Variants in ULK4 observed in about 807,000 individuals in gnomAD.
The protein encoded by ULK4 is unc-51 like kinase 4.
A neutral mutation model predicts 160.6 loss-of-function variants in ULK4; 133 were observed. That is an observed-to-expected ratio of 0.83 (90% CI 0.72 to 0.96). The LOEUF (loss-of-function observed/expected upper bound fraction) is 0.96, where lower values mean the gene tolerates loss of function less well. ULK4 is among the 40% of genes least tolerant of loss of function. The probability of loss-of-function intolerance (pLI) is 0.00; values close to 1 mark genes in which losing one functional copy is unlikely to be tolerated. For synonymous variants in ULK4, 534 were observed against 539.8 expected (o/e 0.99, Z 0.15); for missense variants, 1,580 against 1,499.5 (o/e 1.05, Z -0.89).
chr3:41,602,370 G>C (rs1259018574), intron 31 of ULK4, among the ~76,000 whole-genome samples: 3 of 149,346 alleles, frequency 2.0e-5, no homozygotes, highest in African/African-American at 7.4e-5. Flanking sequence ...AGGAGGAAGG[G>C]AAAAAGGAAG....
At chr3:41,946,809 G>A (rs554668605) in intron 2 of ULK4, among the ~76,000 whole-genome samples, 1 of 152,256 alleles carries the variant, frequency 6.6e-6, no homozygotes, top group Admixed American at 6.5e-5. Flanking sequence ...AGGAGAGGGT[G>A]GCATTTGTTC....
intron 32 of ULK4, among the ~76,000 whole-genome samples, chr3:41,538,213 A>G (rs2086576082): frequency 6.6e-6 from 1 of 152,162 alleles, no homozygotes; most frequent in Non-Finnish European, 1.5e-5. Flanking sequence ...ATCATATTAG[A>G]GTCTAGAGAT....
At chr3:41,383,531 G>A (rs184639103) in intron 35 of ULK4, among the ~76,000 whole-genome samples, 7 of 152,268 alleles carry the variant, frequency 4.6e-5, no homozygotes, top group Admixed American at 1.3e-4. Flanking sequence ...AGCATTCTGC[G>A]CAGCAAAAGC....
chr3:41,822,713 C>T (rs966383650), intron 18 of ULK4, among the ~76,000 whole-genome samples: 11 of 140,842 alleles, frequency 7.8e-5, no homozygotes, highest in African/African-American at 2.5e-4. Context: ...GCCACCATGC[C>T]GGGCTGAGAT....
intron 35 of ULK4, among the ~76,000 whole-genome samples, chr3:41,375,066 C>G (rs755518953): frequency 7.9e-5 from 12 of 152,066 alleles, no homozygotes; most frequent in Admixed American, 2.0e-4. Flanking sequence ...CCTAGGAATA[C>G]AATTTACAAG....
chr3:41,765,738 C>A (rs1340942421), intron 21 of ULK4, among the ~76,000 whole-genome samples: 1 of 152,068 alleles, frequency 6.6e-6, no homozygotes, highest in African/African-American at 2.4e-5. Context: ...AGGAAGCAAT[C>A]TTATAATACT....
chr3:41,873,488 A>G (rs1233103211), intron 17 of ULK4, among the ~76,000 whole-genome samples: 2 of 152,022 alleles, frequency 1.3e-5, no homozygotes, highest in Non-Finnish European at 2.9e-5. Context: ...GTTCATTCAC[A>G]TGTGTATTCC....
At chr3:41,479,833 T>C (rs765686338) in intron 32 of ULK4, among the ~76,000 whole-genome samples, 5 of 152,204 alleles carry the variant, frequency 3.3e-5, no homozygotes, top group Non-Finnish European at 7.3e-5. Context: ...ATATTCATTA[T>C]AGACAAATTC....
At chr3:41,639,493 C>T (rs1268400205) in intron 30 of ULK4, among the ~76,000 whole-genome samples, 8 of 152,166 alleles carry the variant, frequency 5.3e-5, no homozygotes, top group Middle Eastern at 3.4e-3. Context: ...TTTGGGAGGC[C>T]GAGTCAGGCA....
At chr3:41,602,160 C>T (rs984429661) in intron 31 of ULK4, among the ~76,000 whole-genome samples, 1 of 151,224 alleles carries the variant, frequency 6.6e-6, no homozygotes, top group African/African-American at 2.4e-5. Flanking sequence ...CATGCTGCAC[C>T]TAAAGCCTGG....
chr3:41,704,929 G>C, intron 27 of ULK4, 128 bp downstream of exon 27: 2 of 629,492 alleles, frequency 3.2e-6, no homozygotes, highest in Non-Finnish European at 5.2e-6. Context: ...GCCAGGGTAG[G>C]GGGGTTCTGA....
At chr3:41,725,687 C>G (rs2037624210) in intron 22 of ULK4, among the ~76,000 whole-genome samples, 1 of 152,142 alleles carries the variant, frequency 6.6e-6, no homozygotes, top group African/African-American at 2.4e-5. Flanking sequence ...GATACTGTCT[C>G]TCTTGTTGAT....
intron 31 of ULK4, among the ~76,000 whole-genome samples, chr3:41,579,208 T>G (rs1263449020): frequency 6.6e-6 from 1 of 152,144 alleles, no homozygotes; most frequent in Non-Finnish European, 1.5e-5. Flanking sequence ...AGCTTCAGCT[T>G]TAAGGGTTTA....
chr3:41,591,890 A>G (rs529099571), intron 31 of ULK4, among the ~76,000 whole-genome samples: 2 of 152,330 alleles, frequency 1.3e-5, no homozygotes, highest in Admixed American at 1.3e-4. Flanking sequence ...AAAAAATTAC[A>G]ATTGCTCCAT....
chr3:41,736,967 T>G (rs1180117793), intron 22 of ULK4, among the ~76,000 whole-genome samples: 1 of 151,910 alleles, frequency 6.6e-6, no homozygotes, highest in Admixed American at 6.5e-5. Flanking sequence ...CCCCATTGCT[T>G]GTGTTTGTCA....
intron 31 of ULK4, among the ~76,000 whole-genome samples, chr3:41,572,499 G>A (rs1313570137): frequency 1.3e-5 from 2 of 151,722 alleles, no homozygotes; most frequent in African/African-American, 2.4e-5. Context: ...TAACCCACAC[G>A]CCTGTAATCC....
At chr3:41,662,752 A>G (rs1158594588) in intron 30 of ULK4, among the ~76,000 whole-genome samples, 1 of 152,108 alleles carries the variant, frequency 6.6e-6, no homozygotes, top group African/African-American at 2.4e-5. Context: ...TTTGAAAGCA[A>G]AAAGAACCTC....
chr3:41,902,693 A>G lies in ULK4; in HGVS notation c.1183-1864T>C, dbSNP rs1575918321. 2.6e-5 allele frequency among the ~76,000 whole-genome samples: 4 copies of G among 152,092 alleles called. 1 individual carries two copies. The South Asian group carries it at 8.3e-4, about 32-fold the overall frequency. ...TTCAATTAAAGAAAAAAAAAGATGG[A>G]CTTTCATGGTAAAAAGACAGAGGTA... On this transcript the variant is annotated intron_variant, in intron 12 of 36. Transcript: ENST00000301831.
chr3:41,783,646 C>T (rs943291477), intron 21 of ULK4, among the ~76,000 whole-genome samples: 1 of 152,134 alleles, frequency 6.6e-6, no homozygotes, highest in African/African-American at 2.4e-5. Context: ...GCAACAGGGG[C>T]TACAGGTGCA....
Sources: allele counts gnomAD v4.1 joint callset (sites outside exome capture counted in the v4.1 genomes callset), GRCh38; gene constraint gnomAD v4.1.1; transcripts MANE v1.5; gene names NCBI Gene and HGNC (gene_info 2026-07-23, HGNC 2026-07-21).